SDHA: variants seen among roughly 807,000 people sequenced by gnomAD.
The protein encoded by SDHA is succinate dehydrogenase complex flavoprotein subunit A.
In SDHA, 48 loss-of-function variants were observed where a neutral mutation model predicts 78.4. The ratio of observed to expected loss-of-function variants is 0.61; its 90% CI spans 0.49 to 0.78. SDHA has a LOEUF of 0.78. SDHA is among the 30% of genes least tolerant of loss of function. The pLI is 0.00. For missense variants in SDHA, 680 were observed against 892.7 expected, an observed-to-expected ratio of 0.76 and a Z score of 3.04; for synonymous variants, 326 against 353.9, an observed-to-expected ratio of 0.92 and a Z score of 0.88.
At chr5:257,104 A>AT (rs1737256470), downstream of SDHA, among the ~76,000 whole-genome samples, 2 of 152,170 alleles carry the variant, frequency 1.3e-5, no homozygotes, top group Admixed American at 6.5e-5. Context: ...CTTGTAGTTT[A>AT]TTTCTAAGTT....
intron 13 of SDHA, chr5:251,727 G>T: frequency 1.4e-6 from 2 of 1,432,890 alleles, no homozygotes; most frequent in South Asian, 1.2e-5. Context: ...CTGTTAGAAG[G>T]CCAAGGTTAG....
At chr5:224,618 C>T (rs572123379) in intron 3 of SDHA, 97 bp downstream of exon 3, 2 of 1,300,008 alleles carry the variant, frequency 1.5e-6, no homozygotes, top group Admixed American at 1.7e-5. Context: ...TCCCCCTGCT[C>T]CAGCCACATG....
chr5:249,025 C>T (rs867685174), intron 11 of SDHA: 49 of 398,118 alleles, frequency 1.2e-4, no homozygotes, highest in Admixed American at 1.8e-4. Flanking sequence ...AGAAGGACAC[C>T]GTACAAACTT....
chr5:251,151 C>T (rs1736800398), intron 12 of SDHA, 48 bp downstream of exon 12: 1 of 1,584,810 alleles, frequency 6.3e-7, no homozygotes, highest in Non-Finnish European at 8.7e-7. Context: ...CTTCCTTCTG[C>T]AGGGTGGGCT....
chr5:231,348 TCAGGAGTTCGAGAC>T (rs33952048), intron 7 of SDHA, among the ~76,000 whole-genome samples: 36,462 of 151,676 alleles, frequency 0.24, 6,818 homozygotes, highest in African/African-American at 0.52. Context: ...TCACCTGAGG[TCAGGAGTTCGAGAC>T]CAGCCTGACC....
At chr5:224,285 T>G in intron 2 of SDHA, 75 bp from the exon 3 acceptor site, 1 of 1,484,552 alleles carries the variant, frequency 6.7e-7, no homozygotes, top group Non-Finnish European at 9.4e-7. Flanking sequence ...TTTGTCAAGC[T>G]CTTTCACTGT....
chr5:226,632 AAAAG>A (rs1178899997), intron 5 of SDHA, among the ~76,000 whole-genome samples: 1 of 151,822 alleles, frequency 6.6e-6, no homozygotes, highest in East Asian at 1.9e-4. Flanking sequence ...CTGTCTCAAA[AAAAG>A]AGAAAGAACA....
At chr5:235,000 T>G (rs1735673569) in intron 8 of SDHA, 144 bp from the exon 9 acceptor site, 6 of 800,406 alleles carry the variant, frequency 7.5e-6, no homozygotes, top group Non-Finnish European at 1.3e-5. Flanking sequence ...TAGAAAAGAT[T>G]TGATGAGAGG....
At chr5:254,537 C>T (rs754111615) in intron 14 of SDHA, 31 bp downstream of exon 14, 7 of 1,525,776 alleles carry the variant, frequency 4.6e-6, no homozygotes, top group South Asian at 1.2e-5. Flanking sequence ...CACCACAGCC[C>T]AGCACCCACA....
chr5:249,838 G>T lies in SDHA; in HGVS notation c.1552-1154G>T, dbSNP rs187996818. 1.4e-4 allele frequency: 22 copies of T among 152,350 alleles called. No homozygotes were observed. In the East Asian group the frequency reaches 4.2e-3, roughly 29 times the overall value. The allele number at this position is 152,350 out of a possible 1,614,324, so 9.4% of individuals were successfully genotyped here. A position where few individuals can be genotyped will look rare whatever the true frequency, so the allele number is the denominator to read the frequency against. On this transcript the variant is annotated intron_variant, in intron 11 of 14. Coordinates refer to ENST00000264932, the MANE Select transcript of SDHA (RefSeq NM_004168.4). The stretch of plus-strand genomic sequence containing the variant: ...ATAGATACAATTGTCATTATTTACA[G>T]ATAGAATTTCCAAACAATTCCCAGG...
rs1313266403 is a variant in SDHA at position 236,505 on chromosome 5, A to G, written c.1338A>G (p.Val446=). The G allele has an allele frequency of 1.2e-6, 2 of 1,614,018 alleles. No individual in the cohort carries two copies. Among genetic ancestry groups the G allele is most frequent in the South Asian group, 2.2e-5 (2 of 91,082 alleles). The change falls in exon 10 of 15, where the codon GTA becomes GTG. Residue 446 remains valine (V), a synonymous_variant. Coordinates refer to ENST00000264932, the MANE Select transcript of SDHA (RefSeq NM_004168.4). ...GTGGGGAGGCCGCCTGTGCCTCGGTACATGGTGCCAACCGCCTCGGGGCAA... is the reference window on the plus strand; with the variant it reads ...GTGGGGAGGCCGCCTGTGCCTCGGTGCATGGTGCCAACCGCCTCGGGGCAA... ...YACGEAACAS[V]HGANRLGANS... is the part of the protein sequence containing the mutation.
At chr5:258,158 T>G (rs1326647401), downstream of SDHA, among the ~76,000 whole-genome samples, 366 of 100,838 alleles carry the variant, frequency 3.6e-3, 61 homozygotes, top group African/African-American at 0.021. Context: ...AGCATTACTG[T>G]GTGAGCTCCA....
At chr5:258,655 C>G (rs532309207), downstream of SDHA, among the ~76,000 whole-genome samples, 2 of 110,952 alleles carry the variant, frequency 1.8e-5, no homozygotes, top group East Asian at 2.7e-4. Flanking sequence ...AGAGCATTAC[C>G]GTGTGAGCTC....
chr5:231,389 G>A (rs562750301), intron 7 of SDHA, among the ~76,000 whole-genome samples: 39 of 151,788 alleles, frequency 2.6e-4, no homozygotes, highest in African/African-American at 9.4e-4. Context: ...GTGACACCTC[G>A]TCTCTACTAA....
rs545977724 is a variant in SDHA at position 244,388 on chromosome 5, A to G, written c.1551+3912A>G. Among the ~76,000 whole-genome samples, 18 of 152,176 alleles carry G rather than the reference A, an allele frequency of 1.2e-4. No individual in the cohort carries two copies. In the East Asian group the frequency reaches 3.3e-3, roughly 28 times the overall value. ...ATTCAGATTACAATGAGGAAATTCA[A>G]ATTGTTACATCTACTTCTGTTCCCT... On this transcript the variant is annotated intron_variant, in intron 11 of 14. Transcript: ENST00000264932.
chr5:245,076 A>G (rs1368112395), intron 11 of SDHA, among the ~76,000 whole-genome samples: 3 of 152,372 alleles, frequency 2.0e-5, no homozygotes, highest in South Asian at 2.1e-4. Flanking sequence ...GGATAGAACA[A>G]TGGCCACTGA....
At chr5:250,957 G>C in intron 11 of SDHA, 35 bp from the exon 12 acceptor site, 1 of 1,560,076 alleles carries the variant, frequency 6.4e-7, no homozygotes, top group Non-Finnish European at 8.8e-7. Flanking sequence ...TGCTTCTATG[G>C]ATTAAAAGTT....
At chr5:220,552 A>T (rs1226161469) in intron 1 of SDHA, among the ~76,000 whole-genome samples, 2 of 152,104 alleles carry the variant, frequency 1.3e-5, no homozygotes, top group Non-Finnish European at 2.9e-5. Flanking sequence ...GTTTTTCCTG[A>T]TTTATTTGAA....
chr5:249,822 A>T (rs1029760104), intron 11 of SDHA: 1 of 152,240 alleles, frequency 6.6e-6, no homozygotes, highest in African/African-American at 2.4e-5. Flanking sequence ...AATAGATACA[A>T]TTGTCATTAT....
Sources: allele counts gnomAD v4.1 joint callset (sites outside exome capture counted in the v4.1 genomes callset), GRCh38; gene constraint gnomAD v4.1.1; transcripts MANE v1.5; gene names NCBI Gene and HGNC (gene_info 2026-07-23, HGNC 2026-07-21).